Variants in ATP6V1H observed in about 807,000 individuals in gnomAD.
ATP6V1H encodes V-type proton ATPase subunit H.
In ATP6V1H, 39 loss-of-function variants were observed where a neutral mutation model predicts 71.7. That is an observed-to-expected ratio of 0.54 (90% CI 0.42 to 0.71). The LOEUF (loss-of-function observed/expected upper bound fraction) is 0.71. Ranked by LOEUF, ATP6V1H falls within the 30% of genes least tolerant of loss-of-function variation. The pLI is 0.00. For missense variants in ATP6V1H, 509 were observed against 594.9 expected, an observed-to-expected ratio of 0.86 and a Z score of 1.50; for synonymous variants, 192 against 199.3, an observed-to-expected ratio of 0.96 and a Z score of 0.31.
intron 13 of ATP6V1H, among the ~76,000 whole-genome samples, chr8:53,728,720 C>T (rs1806904670): frequency 1.3e-5 from 2 of 152,322 alleles, no homozygotes; most frequent in East Asian, 1.9e-4. Context: ...CCCTGCCTTC[C>T]TCCTCCTCAT....
chr8:53,822,354 T>C (rs995318278), intron 4 of ATP6V1H, among the ~76,000 whole-genome samples: 5 of 152,100 alleles, frequency 3.3e-5, no homozygotes, highest in African/African-American at 7.2e-5. Flanking sequence ...TATATAAATG[T>C]TATATGTTCT....
At chr8:53,744,012 T>C (rs1306024328) in intron 12 of ATP6V1H, among the ~76,000 whole-genome samples, 1 of 152,194 alleles carries the variant, frequency 6.6e-6, no homozygotes, top group Non-Finnish European at 1.5e-5. Context: ...TTAACGTTTT[T>C]ATTATCAGTA....
chr8:53,779,078 T>C (rs564459538), intron 9 of ATP6V1H, among the ~76,000 whole-genome samples: 7 of 152,128 alleles, frequency 4.6e-5, no homozygotes, highest in South Asian at 4.2e-4. Context: ...CAGGAAGAAA[T>C]AGACAAATCC....
At chr8:53,730,265 A>G (rs1806972354) in intron 13 of ATP6V1H, among the ~76,000 whole-genome samples, 1 of 152,208 alleles carries the variant, frequency 6.6e-6, no homozygotes. Flanking sequence ...TATTTAAGCT[A>G]ACTTCGGTAG....
chr8:53,831,627 G>T (rs1167497962), intron 3 of ATP6V1H, among the ~76,000 whole-genome samples: 2 of 152,210 alleles, frequency 1.3e-5, no homozygotes, highest in Admixed American at 6.5e-5. Flanking sequence ...GCTGGAGCAG[G>T]GGCATGGGCC....
chr8:53,801,983 T>C (rs577743614), intron 7 of ATP6V1H, 87 bp from the exon 8 acceptor site: 39 of 1,181,028 alleles, frequency 3.3e-5, no homozygotes, highest in Admixed American at 9.2e-5. Flanking sequence ...AAAGTCAGAT[T>C]ACCTACTGGA....
At chr8:53,786,674 G>T (rs1809396243) in intron 9 of ATP6V1H, among the ~76,000 whole-genome samples, 2 of 152,172 alleles carry the variant, frequency 1.3e-5, no homozygotes, top group African/African-American at 4.8e-5. Context: ...TCCACTCCCT[G>T]AAATATGTTA....
intron 12 of ATP6V1H, among the ~76,000 whole-genome samples, chr8:53,753,915 C>T (rs542225446): frequency 6.6e-6 from 1 of 152,290 alleles, no homozygotes; most frequent in East Asian, 1.9e-4. Flanking sequence ...CGGTAGAACA[C>T]ATGAGACTCC....
Position 53,715,788 on chromosome 8 carries a change from A to T in ATP6V1H, c.*176T>A, listed in dbSNP as rs919246833. 5.9e-6 allele frequency: 3 copies of T among 510,220 alleles called. No homozygotes were observed. The highest frequency in any genetic ancestry group is 7.0e-6 in the Non-Finnish European group (2 of 287,552). The allele number at this position is 510,220 out of a possible 1,614,324, so 31.6% of individuals were successfully genotyped here. A position where few individuals can be genotyped will look rare whatever the true frequency, so the allele number is the denominator to read the frequency against. On this transcript the variant is annotated 3_prime_UTR_variant, in exon 14 of 14. Transcript: ENST00000359530. ...TAAATACAGAATCACCTACTTTTATACAACTTAACAGGCAAACATGTTATT... is the reference window on the plus strand; with the variant it reads ...TAAATACAGAATCACCTACTTTTATTCAACTTAACAGGCAAACATGTTATT...
chr8:53,735,960 G>A (rs1807187954), intron 13 of ATP6V1H, among the ~76,000 whole-genome samples: 1 of 152,178 alleles, frequency 6.6e-6, no homozygotes, highest in Non-Finnish European at 1.5e-5. Context: ...CTAATCCTAA[G>A]ATGAGACTGC....
chr8:53,772,805 G>A (rs1380214792), intron 9 of ATP6V1H, among the ~76,000 whole-genome samples: 7 of 150,356 alleles, frequency 4.7e-5, no homozygotes, highest in African/African-American at 1.7e-4. Flanking sequence ...TTCTGAGTAA[G>A]GACCAGGCTA....
At chr8:53,789,049 T>C (rs1452706900) in intron 9 of ATP6V1H, among the ~76,000 whole-genome samples, 1 of 152,224 alleles carries the variant, frequency 6.6e-6, no homozygotes, top group African/African-American at 2.4e-5. Flanking sequence ...CAAATTGCCT[T>C]ACATATATTT....
chr8:53,823,546 C>G (rs1422822774), intron 4 of ATP6V1H, among the ~76,000 whole-genome samples: 1 of 152,204 alleles, frequency 6.6e-6, no homozygotes, highest in Non-Finnish European at 1.5e-5. Flanking sequence ...GGCACAATCT[C>G]AGCTCACTGC....
rs541590090 is a variant in ATP6V1H, at chr8:53,718,433, G to A, written c.1392-2409C>T. On this transcript the variant is annotated intron_variant, in intron 13 of 13. Transcript: ENST00000359530. ...AGACAGGGTTTTGCTCCATTGCCCAGGCTGGAGTGCAGTGGTGCAGTCACA... is the reference window on the plus strand; with the variant it reads ...AGACAGGGTTTTGCTCCATTGCCCAAGCTGGAGTGCAGTGGTGCAGTCACA... Among the ~76,000 whole-genome samples the A allele has an allele frequency of 2.9e-5, 4 of 139,534 alleles. No individual in the cohort carries two copies. The East Asian group carries it at 6.6e-4, about 23-fold the overall frequency. The allele number at this position is 139,534 out of a possible 152,430, so 91.5% of individuals were successfully genotyped here.
At chr8:53,828,760 A>ACT in intron 4 of ATP6V1H, among the ~76,000 whole-genome samples, 1 of 152,128 alleles carries the variant, frequency 6.6e-6, no homozygotes, top group Middle Eastern at 3.4e-3. Context: ...TTTTTTCCTT[A>ACT]TAAGTTAATA....
chr8:53,727,810 C>T (rs1334554601), intron 13 of ATP6V1H, among the ~76,000 whole-genome samples: 1 of 152,172 alleles, frequency 6.6e-6, no homozygotes, highest in African/African-American at 2.4e-5. Flanking sequence ...AAATGAACTC[C>T]TCAGTGCCAC....
intron 7 of ATP6V1H, among the ~76,000 whole-genome samples, chr8:53,809,239 C>T (rs1437805803): frequency 6.6e-6 from 1 of 152,070 alleles, no homozygotes; most frequent in Non-Finnish European, 1.5e-5. Flanking sequence ...TGTAAATATT[C>T]AAGGAGATGT....
At chr8:53,786,787 G>T (rs1020725311) in intron 9 of ATP6V1H, among the ~76,000 whole-genome samples, 14 of 152,172 alleles carry the variant, frequency 9.2e-5, no homozygotes, top group African/African-American at 2.9e-4. Flanking sequence ...TGGTGCAGAG[G>T]GATGTTGACA....
intron 9 of ATP6V1H, among the ~76,000 whole-genome samples, chr8:53,782,742 T>A (rs907757542): frequency 3.3e-5 from 5 of 152,224 alleles, no homozygotes; most frequent in African/African-American, 4.8e-5. Context: ...TTGAGAGTTT[T>A]TAGCATGAAG....
Sources: gnomAD v4.1 joint callset for allele counts (sites outside exome capture counted in the v4.1 genomes callset) on GRCh38, gnomAD v4.1.1 for gene constraint, MANE v1.5 for transcripts, NCBI Gene and HGNC (gene_info 2026-07-23, HGNC 2026-07-21) for gene names.